Variants in RELN observed in about 807,000 individuals in gnomAD.
The protein encoded by RELN is reelin.
RELN carries 108 observed loss-of-function variants against 427.6 expected under a neutral mutation model. The observed-to-expected ratio is 0.25, with a 90% CI of 0.22 to 0.30. The LOEUF (loss-of-function observed/expected upper bound fraction) is 0.30. Ranked by LOEUF, RELN falls within the 10% of genes least tolerant of loss-of-function variation. The pLI is 1.00. For synonymous variants in RELN, 1,524 were observed against 1,513.4 expected, an observed-to-expected ratio of 1.01 and a Z score of -0.16; for missense variants, 3,715 against 4,302.8, an observed-to-expected ratio of 0.86 and a Z score of 3.82.
intron 1 of RELN, among the ~76,000 whole-genome samples, chr7:103,944,729 G>T (rs1411321289): frequency 6.6e-6 from 1 of 152,148 alleles, no homozygotes; most frequent in Non-Finnish European, 1.5e-5. Flanking sequence ...ATGTGGCAAA[G>T]TGAGCCAAAA....
chr7:103,742,817 A>G (rs1790703082), intron 6 of RELN, among the ~76,000 whole-genome samples: 1 of 152,226 alleles, frequency 6.6e-6, no homozygotes, highest in Non-Finnish European at 1.5e-5. Flanking sequence ...GGGAGAATGG[A>G]ACCCAGCTGG....
At chr7:103,915,842 G>A (rs1459035411) in intron 2 of RELN, among the ~76,000 whole-genome samples, 1 of 152,066 alleles carries the variant, frequency 6.6e-6, no homozygotes. Flanking sequence ...CAAAACAGGT[G>A]GTATGTAATA....
chr7:103,983,927 T>C (rs923007477), intron 1 of RELN, among the ~76,000 whole-genome samples: 3 of 151,942 alleles, frequency 2.0e-5, no homozygotes, highest in Non-Finnish European at 2.9e-5. Flanking sequence ...GTTCAAAAAG[T>C]ACTGGTCACT....
intron 4 of RELN, among the ~76,000 whole-genome samples, chr7:103,756,835 T>C (rs1294661375): frequency 6.6e-6 from 1 of 152,200 alleles, no homozygotes; most frequent in African/African-American, 2.4e-5. Flanking sequence ...ACATTTAGTA[T>C]GCAAAACTTA....
intron 11 of RELN, among the ~76,000 whole-genome samples, chr7:103,664,097 A>C (rs1271272953): frequency 6.6e-6 from 1 of 152,220 alleles, no homozygotes; most frequent in Non-Finnish European, 1.5e-5. Flanking sequence ...TTAGGGGAAC[A>C]CGTATTTATA....
intron 41 of RELN, among the ~76,000 whole-genome samples, chr7:103,547,911 T>C (rs946186717): frequency 6.6e-6 from 1 of 152,244 alleles, no homozygotes; most frequent in Non-Finnish European, 1.5e-5. Context: ...GGTTTCACTG[T>C]GGTTCCCTTC....
At chr7:103,768,768 C>T (rs796199503) in intron 4 of RELN, among the ~76,000 whole-genome samples, 3 of 152,172 alleles carry the variant, frequency 2.0e-5, no homozygotes, top group African/African-American at 7.2e-5. Flanking sequence ...AGAGACAGAG[C>T]ATGTTAAGGG....
chr7:103,582,963 A>G (rs1261637814), intron 28 of RELN, among the ~76,000 whole-genome samples: 1 of 152,112 alleles, frequency 6.6e-6, no homozygotes, highest in African/African-American at 2.4e-5. Context: ...GAGATGTAAG[A>G]TTCATCTCAA....
At chr7:103,497,760 G>A (rs1828883037) in intron 55 of RELN, 60 bp downstream of exon 55, 2 of 1,334,328 alleles carry the variant, frequency 1.5e-6, no homozygotes, top group Admixed American at 1.7e-5. Flanking sequence ...ACTTTTCTGA[G>A]GGTGTTGGAT....
chr7:103,718,143 T>C (rs1454378515), intron 8 of RELN, among the ~76,000 whole-genome samples: 1 of 152,156 alleles, frequency 6.6e-6, no homozygotes, highest in Non-Finnish European at 1.5e-5. Flanking sequence ...TTCCAGTTTT[T>C]ATTTTTCAAA....
chr7:103,891,607 A>G (rs553925777), intron 2 of RELN, among the ~76,000 whole-genome samples: 1 of 152,152 alleles, frequency 6.6e-6, no homozygotes, highest in African/African-American at 2.4e-5. Flanking sequence ...TTCAAAGGAC[A>G]TGCTGGGCCT....
At chr7:103,741,159 A>C (rs1790644247) in intron 6 of RELN, among the ~76,000 whole-genome samples, 1 of 152,198 alleles carries the variant, frequency 6.6e-6, no homozygotes, top group African/African-American at 2.4e-5. Flanking sequence ...AAGCTTTGGG[A>C]GAGTTAAAAC....
At chr7:103,853,340 CTTTCA>C (rs1272892080) in intron 2 of RELN, among the ~76,000 whole-genome samples, 2 of 152,006 alleles carry the variant, frequency 1.3e-5, no homozygotes, top group Non-Finnish European at 2.9e-5. Flanking sequence ...TCCCCTGTAG[CTTTCA>C]TTTATTTTTA....
intron 2 of RELN, among the ~76,000 whole-genome samples, chr7:103,913,680 C>A (rs1295422695): frequency 6.6e-6 from 1 of 151,924 alleles, no homozygotes; most frequent in Non-Finnish European, 1.5e-5. Flanking sequence ...TCAAATACCC[C>A]AAAAATTAAT....
chr7:103,859,137 T>C (rs1251223517), intron 2 of RELN, among the ~76,000 whole-genome samples: 1 of 152,094 alleles, frequency 6.6e-6, no homozygotes, highest in Non-Finnish European at 1.5e-5. Context: ...ATACATACAT[T>C]ATCAGATTAG....
At chr7:103,619,279 C>T (rs749237919) in intron 20 of RELN, among the ~76,000 whole-genome samples, 2 of 152,126 alleles carry the variant, frequency 1.3e-5, no homozygotes, top group Non-Finnish European at 2.9e-5. Context: ...TACACAATGG[C>T]CATGATGACC....
chr7:103,899,616 T>C (rs1795038727), intron 2 of RELN, among the ~76,000 whole-genome samples: 2 of 152,152 alleles, frequency 1.3e-5, no homozygotes, highest in African/African-American at 4.8e-5. Context: ...GCTTCATCCC[T>C]GGGATGCAAG....
intron 58 of RELN, among the ~76,000 whole-genome samples, 199 bp downstream of exon 58, chr7:103,491,753 TG>T (rs1828659059): frequency 6.6e-6 from 1 of 151,360 alleles, no homozygotes; most frequent in East Asian, 2.0e-4. Context: ...CGCTTGAACC[TG>T]GGAGGCGGAG....
intron 1 of RELN, among the ~76,000 whole-genome samples, chr7:103,980,775 A>C (rs1379826982): frequency 6.6e-6 from 1 of 152,184 alleles, no homozygotes; most frequent in Non-Finnish European, 1.5e-5. Flanking sequence ...TCACTGTCAT[A>C]ATTCATTCAT....
Sources: gnomAD v4.1 joint callset for allele counts (sites outside exome capture counted in the v4.1 genomes callset) on GRCh38, gnomAD v4.1.1 for gene constraint, MANE v1.5 for transcripts, NCBI Gene and HGNC (gene_info 2026-07-23, HGNC 2026-07-21) for gene names.